SPMIP2: variants seen among roughly 807,000 people sequenced by gnomAD.
SPMIP2 encodes the protein sperm microtubule inner protein 2.
chr4:158,911,370 A>ATAAATAAATAAG, the SPMIP2 span, among the ~76,000 whole-genome samples: 1 of 147,196 alleles, frequency 6.8e-6, no homozygotes, highest in South Asian at 2.1e-4. Context: ...AAATAAATAA[A>ATAAATAAATAAG]TAAATAAATA....
the SPMIP2 span, among the ~76,000 whole-genome samples, chr4:159,052,197 A>G: frequency 2.6e-5 from 4 of 152,176 alleles, no homozygotes; most frequent in Admixed American, 2.0e-4. Flanking sequence ...AGTTCGCACA[A>G]TGTTTTGATT....
the SPMIP2 span, among the ~76,000 whole-genome samples, chr4:159,062,959 C>G: frequency 6.6e-6 from 1 of 151,116 alleles, no homozygotes; most frequent in Admixed American, 6.6e-5. Context: ...TTCCAAAGAG[C>G]CGGGATTACA....
chr4:158,902,568 C>A, the SPMIP2 span, among the ~76,000 whole-genome samples: 1 of 152,218 alleles, frequency 6.6e-6, no homozygotes, highest in South Asian at 2.1e-4. Flanking sequence ...TTTAAGTCTG[C>A]TGAAGCTGTG....
chr4:158,930,861 TTC>T, the SPMIP2 span, among the ~76,000 whole-genome samples: 3 of 152,234 alleles, frequency 2.0e-5, no homozygotes, highest in African/African-American at 2.4e-5. Flanking sequence ...ACTCTCCAGA[TTC>T]TCTGTCTTTA....
the SPMIP2 span, among the ~76,000 whole-genome samples, chr4:158,955,427 CAG>C: frequency 6.6e-6 from 1 of 152,080 alleles, no homozygotes; most frequent in African/African-American, 2.4e-5. Flanking sequence ...TTTTTTGAGA[CAG>C]AGTCTCACTC....
chr4:158,981,544 C>T, the SPMIP2 span, among the ~76,000 whole-genome samples: 2 of 152,070 alleles, frequency 1.3e-5, no homozygotes, highest in Non-Finnish European at 2.9e-5. Flanking sequence ...AGAATAGGGG[C>T]CAATATTCAA....
the SPMIP2 span, among the ~76,000 whole-genome samples, chr4:158,993,844 T>C: frequency 2.6e-5 from 4 of 152,206 alleles, no homozygotes; most frequent in Non-Finnish European, 5.9e-5. Flanking sequence ...ATTAAACACT[T>C]CCTTTCCTTA....
chr4:158,986,398 C>A, the SPMIP2 span, among the ~76,000 whole-genome samples: 1 of 152,182 alleles, frequency 6.6e-6, no homozygotes, highest in African/African-American at 2.4e-5. Flanking sequence ...TACAAGGCTA[C>A]AGTAACCAAA....
the SPMIP2 span, among the ~76,000 whole-genome samples, chr4:159,077,292 GC>G: frequency 6.6e-6 from 1 of 151,456 alleles, no homozygotes; most frequent in Non-Finnish European, 1.5e-5. Flanking sequence ...GATTACAGGT[GC>G]CTGCCACCAC....
At chr4:159,065,453 C>T in the SPMIP2 span, among the ~76,000 whole-genome samples, 5 of 152,100 alleles carry the variant, frequency 3.3e-5, no homozygotes. Context: ...TGTGTTGGCT[C>T]ACACCTGTAA....
chr4:158,988,519 A>C, the SPMIP2 span, among the ~76,000 whole-genome samples: 2 of 152,186 alleles, frequency 1.3e-5, no homozygotes, highest in African/African-American at 4.8e-5. Flanking sequence ...ATCCAGCAGC[A>C]CATCAAAAAT....
chr4:159,054,044 A>G, the SPMIP2 span, among the ~76,000 whole-genome samples: 51,735 of 151,996 alleles, frequency 0.34, 9,277 homozygotes, highest in East Asian at 0.64. Flanking sequence ...TGCAATCGTC[A>G]CTCACTGCAG....
the SPMIP2 span, among the ~76,000 whole-genome samples, chr4:159,040,144 A>ATGTGTG: frequency 1.2e-4 from 18 of 150,846 alleles, no homozygotes; most frequent in African/African-American, 3.9e-4. Flanking sequence ...GTACTTAAAT[A>ATGTGTG]TGTGTGTGTG....
the SPMIP2 span, among the ~76,000 whole-genome samples, chr4:159,035,749 CT>C: frequency 6.6e-6 from 1 of 152,184 alleles, no homozygotes; most frequent in Non-Finnish European, 1.5e-5. Context: ...ACAATTTGCT[CT>C]TCCTGTAATG....
At chr4:158,992,750 G>A in the SPMIP2 span, among the ~76,000 whole-genome samples, 27 of 152,314 alleles carry the variant, frequency 1.8e-4, no homozygotes, top group African/African-American at 5.5e-4. Context: ...GGAACACCAG[G>A]TCCCAACAGG....
chr4:158,899,460 G>A, the SPMIP2 span, among the ~76,000 whole-genome samples: 1 of 152,164 alleles, frequency 6.6e-6, no homozygotes, highest in Admixed American at 6.5e-5. Flanking sequence ...GTAGAATTTG[G>A]CTGTGAATCC....
At chr4:158,894,165 GTTTTC>G in the SPMIP2 span, among the ~76,000 whole-genome samples, 1 of 129,818 alleles carries the variant, frequency 7.7e-6, no homozygotes, top group Non-Finnish European at 1.6e-5. Flanking sequence ...TTTAAAAAAT[GTTTTC>G]TTTTTTTTTT....
At chr4:158,898,104 C>T in the SPMIP2 span, among the ~76,000 whole-genome samples, 34,889 of 152,070 alleles carry the variant, frequency 0.23, 5,214 homozygotes, top group Non-Finnish European at 0.34. Context: ...AATCCTTTCC[C>T]CACTGCTTGT....
At chr4:158,906,651 T>C in the SPMIP2 span, 7 of 152,236 alleles carry the variant, frequency 4.6e-5, no homozygotes, top group African/African-American at 9.6e-5. Context: ...GTGGGGGCTG[T>C]CTCCGTGACA....
Sources: gnomAD v4.1 joint callset for allele counts (sites outside exome capture counted in the v4.1 genomes callset) on GRCh38, gnomAD v4.1.1 for gene constraint, MANE v1.5 for transcripts, NCBI Gene and HGNC (gene_info 2026-07-23, HGNC 2026-07-21) for gene names.